The following TMEM178B variants were observed in gnomAD, a reference collection of about 807,000 sequenced individuals.
The protein encoded by TMEM178B is transmembrane protein 178B.
Under a neutral mutation model 31.0 loss-of-function variants are expected in TMEM178B, and 5 were observed. That is an observed-to-expected ratio of 0.16 (90% CI 0.08 to 0.34). The LOEUF (loss-of-function observed/expected upper bound fraction) is 0.34. Ranked by LOEUF, TMEM178B falls within the 10% of genes least tolerant of loss-of-function variation. The pLI, the probability that TMEM178B is intolerant of heterozygous loss-of-function variation, is 1.00. For missense variants in TMEM178B, 275 were observed against 400.3 expected (o/e 0.69, Z 2.67); for synonymous variants, 164 against 164.0 (o/e 1.00, Z 0.00).
At chr7:141,143,268 ACT>A (rs1795803641) in intron 1 of TMEM178B, among the ~76,000 whole-genome samples, 1 of 152,080 alleles carries the variant, frequency 6.6e-6, no homozygotes, top group South Asian at 2.1e-4. Context: ...GCTTTTGAGG[ACT>A]TAGTCATACA....
intron 2 of TMEM178B, among the ~76,000 whole-genome samples, chr7:141,363,448 C>T (rs980028530): frequency 2.0e-5 from 3 of 152,090 alleles, no homozygotes; most frequent in Admixed American, 6.5e-5. Context: ...CTGGAGTTGA[C>T]GGAAGTATTT....
At chr7:141,327,137 G>A (rs560905574) in intron 2 of TMEM178B, among the ~76,000 whole-genome samples, 28 of 152,140 alleles carry the variant, frequency 1.8e-4, no homozygotes, top group Admixed American at 3.9e-4. Context: ...TCTTTTAAAC[G>A]TCTTTTACTA....
At chr7:141,116,969 A>G (rs1348074577) in intron 1 of TMEM178B, among the ~76,000 whole-genome samples, 1 of 152,194 alleles carries the variant, frequency 6.6e-6, no homozygotes, top group African/African-American at 2.4e-5. Flanking sequence ...CAGTGCTGCA[A>G]TAAACTTGTG....
intron 3 of TMEM178B, among the ~76,000 whole-genome samples, chr7:141,463,658 G>A (rs1802100356): frequency 6.6e-6 from 1 of 152,220 alleles, no homozygotes; most frequent in African/African-American, 2.4e-5. Flanking sequence ...CTGAGAGAAT[G>A]ACATTTGAAC....
At chr7:141,425,459 T>A (rs1801295537) in intron 2 of TMEM178B, among the ~76,000 whole-genome samples, 1 of 152,216 alleles carries the variant, frequency 6.6e-6, no homozygotes, top group Non-Finnish European at 1.5e-5. Context: ...TTTGTCTTCA[T>A]CAGTAAAGAC....
intron 1 of TMEM178B, among the ~76,000 whole-genome samples, chr7:141,166,159 A>T (rs1796257344): frequency 6.6e-6 from 1 of 152,202 alleles, no homozygotes; most frequent in Non-Finnish European, 1.5e-5. Context: ...GACCTATAGT[A>T]GGTGGGACCC....
chr7:141,274,875 C>T (rs1033890737), intron 2 of TMEM178B, among the ~76,000 whole-genome samples: 14 of 152,146 alleles, frequency 9.2e-5, no homozygotes, highest in South Asian at 2.1e-4. Context: ...CTAATGGCAG[C>T]GCTGCCTGGG....
At chr7:141,305,340 C>T (rs1268364651) in intron 2 of TMEM178B, among the ~76,000 whole-genome samples, 1 of 152,218 alleles carries the variant, frequency 6.6e-6, no homozygotes, top group African/African-American at 2.4e-5. Flanking sequence ...TATATTAACT[C>T]ATTTAATTGT....
At chr7:141,334,849 T>C (rs1799356494) in intron 2 of TMEM178B, among the ~76,000 whole-genome samples, 1 of 152,224 alleles carries the variant, frequency 6.6e-6, no homozygotes, top group South Asian at 2.1e-4. Context: ...TAAATATTTT[T>C]GCAAGTTGGA....
intron 2 of TMEM178B, among the ~76,000 whole-genome samples, chr7:141,217,142 C>A (rs537220632): frequency 1.3e-5 from 2 of 152,342 alleles, no homozygotes; most frequent in South Asian, 4.1e-4. Context: ...TCTTTATATG[C>A]TTTTCATATC....
At chr7:141,412,014 A>G (rs1048880364) in intron 2 of TMEM178B, among the ~76,000 whole-genome samples, 2 of 152,122 alleles carry the variant, frequency 1.3e-5, no homozygotes, top group Non-Finnish European at 2.9e-5. Context: ...ACTGTGACTC[A>G]GTGTTGTTTG....
chr7:141,147,220 C>CCTCCTTCCCTTT (rs373911777), intron 1 of TMEM178B, among the ~76,000 whole-genome samples: 9 of 151,912 alleles, frequency 5.9e-5, no homozygotes, highest in South Asian at 4.1e-4. Context: ...TCCCTCCGTC[C>CCTCCTTCCCTTT]CTCCTTCCCT....
At position 141,092,016 on chromosome 7, in the gene TMEM178B, C is replaced by T. The variant is rs551519694; in HGVS notation, c.382+17324C>T. ...GTGCTGGGATTATAAGTGTGAGCTA[C>T]CACACCCCACCTAATGTACTTTAAC... On this transcript the variant is annotated intron_variant, in intron 1 of 3. Transcript: ENST00000565468. Among the ~76,000 whole-genome samples the T allele has an allele frequency of 1.8e-4, 28 of 152,302 alleles. No individual in the cohort carries two copies. The Middle Eastern group carries it at 0.01, about 56-fold the overall frequency.
At chr7:141,236,113 C>T (rs1157465437) in intron 2 of TMEM178B, among the ~76,000 whole-genome samples, 1 of 152,174 alleles carries the variant, frequency 6.6e-6, no homozygotes, top group Non-Finnish European at 1.5e-5. Context: ...GAGATGCAAA[C>T]CTAGTCCACA....
intron 1 of TMEM178B, among the ~76,000 whole-genome samples, chr7:141,111,298 GAA>G (rs991607845): frequency 2.0e-5 from 3 of 152,038 alleles, no homozygotes; most frequent in Admixed American, 2.0e-4. Context: ...AACAGGACAG[GAA>G]AAACCACCCC....
At chr7:141,324,073 G>GT (rs1799144956) in intron 2 of TMEM178B, among the ~76,000 whole-genome samples, 1 of 152,150 alleles carries the variant, frequency 6.6e-6, no homozygotes, top group Non-Finnish European at 1.5e-5. Context: ...GTGCAATAGA[G>GT]TGAGTAAGAG....
chr7:141,281,524 G>A (rs930632764), intron 2 of TMEM178B, among the ~76,000 whole-genome samples: 1 of 152,180 alleles, frequency 6.6e-6, no homozygotes, highest in Admixed American at 6.5e-5. Context: ...CGTGATACTG[G>A]GAACATGAAG....
intron 2 of TMEM178B, among the ~76,000 whole-genome samples, chr7:141,303,950 G>A (rs1248455524): frequency 6.6e-6 from 1 of 152,186 alleles, no homozygotes; most frequent in Non-Finnish European, 1.5e-5. Flanking sequence ...AGAGATGAAA[G>A]AAATGAGAGG....
chr7:141,465,998 G>A (rs1802142874), intron 3 of TMEM178B, among the ~76,000 whole-genome samples: 1 of 152,154 alleles, frequency 6.6e-6, no homozygotes, highest in Non-Finnish European at 1.5e-5. Flanking sequence ...ACTCTAGTCT[G>A]GGCAAGAGAA....
Sources: gnomAD v4.1 joint callset for allele counts (sites outside exome capture counted in the v4.1 genomes callset) on GRCh38, gnomAD v4.1.1 for gene constraint, MANE v1.5 for transcripts, NCBI Gene and HGNC (gene_info 2026-07-23, HGNC 2026-07-21) for gene names.